Variants in RECK observed in about 807,000 individuals in gnomAD.
RECK encodes the protein reversion inducing cysteine rich protein with kazal motifs, also known as reversion-inducing cysteine-rich protein with Kazal motifs.
RECK carries 69 observed loss-of-function variants against 115.1 expected under a neutral mutation model. The observed-to-expected ratio is 0.60, with a 90% CI of 0.49 to 0.73. The LOEUF (loss-of-function observed/expected upper bound fraction) is 0.73, where lower values mean the gene tolerates loss of function less well. RECK is among the 30% of genes least tolerant of loss of function. The pLI is 0.00. For missense variants in RECK, 1,047 were observed against 1,203.7 expected (o/e 0.87, Z 1.93); for synonymous variants, 414 against 419.7 (o/e 0.99, Z 0.17).
chr9:36,067,145 G>C (rs1822035444), intron 6 of RECK, among the ~76,000 whole-genome samples: 1 of 152,172 alleles, frequency 6.6e-6, no homozygotes, highest in Non-Finnish European at 1.5e-5. Context: ...AACAGTCACT[G>C]TCATGATTGT....
At chr9:36,115,548 A>G (rs1824228075) in intron 16 of RECK, among the ~76,000 whole-genome samples, 1 of 152,006 alleles carries the variant, frequency 6.6e-6, no homozygotes, top group African/African-American at 2.4e-5. Context: ...CAAAGTTACC[A>G]AATTTCTCCT....
intron 1 of RECK, among the ~76,000 whole-genome samples, chr9:36,051,800 G>T (rs1406740558): frequency 6.6e-6 from 1 of 152,028 alleles, no homozygotes; most frequent in African/African-American, 2.4e-5. Flanking sequence ...TGCACTCCAG[G>T]CCTGAATTTC....
Position 36,050,070 on chromosome 9 carries a change from A to G in RECK, c.101-2195A>G, listed in dbSNP as rs551615934. Among the ~76,000 whole-genome samples, 74 of 152,220 alleles carry G rather than the reference A, an allele frequency of 4.9e-4. 1 individual carries two copies. In the South Asian group the frequency reaches 0.015, roughly 30 times the overall value. ...AGGGAATGCATTGCTCAGTTCTCAGATCTTGTCCTTCCCCAGATGCCATCA... is the reference window on the plus strand; with the variant it reads ...AGGGAATGCATTGCTCAGTTCTCAGGTCTTGTCCTTCCCCAGATGCCATCA... On this transcript the variant is annotated intron_variant, in intron 1 of 20. Transcript: ENST00000377966.
chr9:36,039,767 G>A (rs1344779911), intron 1 of RECK, among the ~76,000 whole-genome samples: 2 of 152,232 alleles, frequency 1.3e-5, no homozygotes, highest in Non-Finnish European at 2.9e-5. Context: ...GAAGAAGAAA[G>A]TAATGAATTT....
At chr9:36,112,627 AG>A in intron 16 of RECK, 151 bp downstream of exon 16, 2 of 872,422 alleles carry the variant, frequency 2.3e-6, no homozygotes, top group Non-Finnish European at 3.5e-6. Context: ...AGCCATGTAA[AG>A]CTGCTTGATA....
intron 1 of RECK, among the ~76,000 whole-genome samples, chr9:36,049,463 G>T (rs1299843180): frequency 6.6e-6 from 1 of 151,836 alleles, no homozygotes; most frequent in Non-Finnish European, 1.5e-5. Context: ...TGGAAGAATT[G>T]TCTTATGCCA....
chr9:36,095,236 T>A (rs1375335668), intron 10 of RECK, among the ~76,000 whole-genome samples: 1 of 152,064 alleles, frequency 6.6e-6, no homozygotes, highest in Non-Finnish European at 1.5e-5. Flanking sequence ...TGCCAGTAAA[T>A]CCTGCAATTT....
rs142378135 is a variant in RECK at position 36,104,137 on chromosome 9, C to T, written c.1436-1006C>T. 3.0e-4 allele frequency among the ~76,000 whole-genome samples: 45 copies of T among 151,160 alleles called. No individual in the cohort carries two copies. The East Asian group carries it at 5.3e-3, about 18-fold the overall frequency. On this transcript the variant is annotated intron_variant, in intron 12 of 20. Transcript: ENST00000377966. ...AAATTCTCATTTATGATAAAACACG[C>T]TAAATTATCCTTCTTAGACATCTTA...
intron 18 of RECK, 117 bp downstream of exon 18, chr9:36,119,084 G>A: frequency 9.8e-7 from 1 of 1,024,822 alleles, no homozygotes. Flanking sequence ...GTCTTGAAGA[G>A]ATTCTTATGC....
chr9:36,074,354 A>G (rs1822363080), intron 6 of RECK, among the ~76,000 whole-genome samples: 1 of 152,186 alleles, frequency 6.6e-6, no homozygotes. Context: ...GAACCAATAT[A>G]TTTAATATGT....
At chr9:36,056,251 A>C (rs1821520792) in intron 2 of RECK, among the ~76,000 whole-genome samples, 1 of 151,964 alleles carries the variant, frequency 6.6e-6, no homozygotes, top group African/African-American at 2.4e-5. Flanking sequence ...TTAAAAAAAA[A>C]ATAACCACAA....
chr9:36,099,273 T>C (rs184728057), intron 10 of RECK, among the ~76,000 whole-genome samples: 2 of 146,486 alleles, frequency 1.4e-5, no homozygotes, highest in African/African-American at 4.9e-5. Context: ...ACAACAACAG[T>C]GGAGCTTTCC....
At chr9:36,046,173 G>A (rs774134027) in intron 1 of RECK, among the ~76,000 whole-genome samples, 2 of 152,084 alleles carry the variant, frequency 1.3e-5, no homozygotes, top group Non-Finnish European at 2.9e-5. Context: ...GAATATGTTA[G>A]GATCAAATTA....
At chr9:36,077,507 T>C (rs1313673876) in intron 6 of RECK, among the ~76,000 whole-genome samples, 2 of 152,180 alleles carry the variant, frequency 1.3e-5, no homozygotes, top group Non-Finnish European at 2.9e-5. Context: ...ATGATAGGTG[T>C]AACAGAATTT....
Position 36,122,829 on chromosome 9 carries a change from A to C in RECK, c.2700A>C (p.Glu900Asp). 2 of 1,613,778 alleles carry C rather than the reference A, an allele frequency of 1.2e-6. No individual in the cohort carries two copies. The highest frequency in any genetic ancestry group is 1.7e-6 in the Non-Finnish European group (2 of 1,179,710). ...VDHYPKALQI[E>D]ACNKEAEKIE... is the part of the protein sequence containing the mutation. ...AACCTTGTTTCTCCTCACAGATTGA[A>C]GCCTGCAATAAAGAAGCAGAGAAGA... The change falls in exon 21 of 21, where the codon GAA becomes GAC. Residue 900 changes from glutamate (E) to aspartate (D), a missense_variant. Transcript: ENST00000377966.
At chr9:36,116,915 C>G in intron 16 of RECK, 70 bp from the exon 17 acceptor site, 1 of 1,259,570 alleles carries the variant, frequency 7.9e-7, no homozygotes, top group South Asian at 1.4e-5. Context: ...TATCCCTCAT[C>G]TAGTGCTTTG....
intron 6 of RECK, among the ~76,000 whole-genome samples, chr9:36,073,677 C>T (rs1048373573): frequency 3.3e-5 from 5 of 152,338 alleles, no homozygotes; most frequent in East Asian, 1.9e-4. Context: ...GAACACAGCT[C>T]ATGCTCCTCA....
At chr9:36,044,216 T>C (rs1820989850) in intron 1 of RECK, among the ~76,000 whole-genome samples, 1 of 146,314 alleles carries the variant, frequency 6.8e-6, no homozygotes, top group Non-Finnish European at 1.5e-5. Context: ...AAGTATTTTA[T>C]TTTATTTTTT....
rs768685789 is a variant in RECK at position 36,102,248 on chromosome 9, T to C, written c.1435+18T>C. On this transcript the variant is annotated intron_variant, in intron 12 of 20. Transcript: ENST00000377966. The stretch of plus-strand genomic sequence containing the variant: ...ATACCTCAGTAAGTACTTTTTTGTA[T>C]GTGTGTTTTTAGATTTCAAATACTT... The C allele has an allele frequency of 6.3e-7, 1 of 1,579,774 alleles. No individual in the cohort carries two copies. Among genetic ancestry groups the C allele is most frequent in the Admixed American group, 1.9e-5 (1 of 52,508 alleles).
Sources: allele counts gnomAD v4.1 joint callset (sites outside exome capture counted in the v4.1 genomes callset), GRCh38; gene constraint gnomAD v4.1.1; transcripts MANE v1.5; gene names NCBI Gene and HGNC (gene_info 2026-07-23, HGNC 2026-07-21).